Variants in ATP6V1C2 observed in about 807,000 individuals in gnomAD.
ATP6V1C2 encodes V-type proton ATPase subunit C 2.
Under a neutral mutation model 56.8 loss-of-function variants are expected in ATP6V1C2, and 45 were observed. That is an observed-to-expected ratio of 0.79 (90% CI 0.62 to 1.02). ATP6V1C2 has a LOEUF of 1.02. Among genes scored for constraint, ATP6V1C2 ranks in the 50% least tolerant of loss-of-function variants. The pLI is 0.00. For synonymous variants in ATP6V1C2, 220 were observed against 201.3 expected, an observed-to-expected ratio of 1.09 and a Z score of -0.79; for missense variants, 463 against 519.7, an observed-to-expected ratio of 0.89 and a Z score of 1.06.
Position 10,754,319 on chromosome 2 carries a change from G to A in ATP6V1C2, c.283+253G>A, listed in dbSNP as rs532348392. ...TGGCTCACTGCAACCTCCGCCGCCCGGGTTCAAGCGATTCTCCTGTCTCAG... is the reference window on the plus strand; with the variant it reads ...TGGCTCACTGCAACCTCCGCCGCCCAGGTTCAAGCGATTCTCCTGTCTCAG... On this transcript the variant is annotated intron_variant, in intron 4 of 13. Transcript: ENST00000272238. 3.4e-4 allele frequency among the ~76,000 whole-genome samples: 52 copies of A among 152,190 alleles called. No individual in the cohort carries two copies. In the East Asian group the frequency reaches 8.7e-3, roughly 25 times the overall value.
chr2:10,737,802 T>C (rs954133039), intron 3 of ATP6V1C2, among the ~76,000 whole-genome samples: 1 of 152,146 alleles, frequency 6.6e-6, no homozygotes, highest in Non-Finnish European at 1.5e-5. Flanking sequence ...CAAGCGATTC[T>C]CCTGCCTCAG....
Position 10,764,243 on chromosome 2 carries a change from A to C in ATP6V1C2, c.284-88A>C. 3 of 1,208,764 alleles carry C rather than the reference A, an allele frequency of 2.5e-6. No homozygotes were observed. In the South Asian group the frequency reaches 3.8e-5, roughly 15 times the overall value. 74.9% of individuals were successfully genotyped at this position (1,208,764 alleles called of 1,614,324 possible). A position where few individuals can be genotyped will look rare whatever the true frequency, so the allele number is the denominator to read the frequency against. ...GCCCATGATGGCTGCCTTCGTGTCC[A>C]CGCTGATGCTTGGCTTGGGATTCCG... is the stretch of plus-strand genomic sequence containing the variant. On this transcript the variant is annotated intron_variant, in intron 4 of 13. Coordinates refer to ENST00000272238, the MANE Select transcript of ATP6V1C2 (RefSeq NM_001039362.2).
rs747960106 is a variant in ATP6V1C2 at position 10,784,690 on chromosome 2, T to C, written c.*1427T>C. ...AGGTTAAATGTTCACTTTAAGGTAA[T>C]AATCAGGAAAGCAACCTTACTACTG... is the stretch of plus-strand genomic sequence containing the variant. On this transcript the variant is annotated 3_prime_UTR_variant, in exon 14 of 14. Transcript: ENST00000272238. 6 of 535,132 alleles carry C rather than the reference T, an allele frequency of 1.1e-5. No individual in the cohort carries two copies. The highest frequency in any genetic ancestry group is 2.0e-5 in the Non-Finnish European group (6 of 304,420). The allele number at this position is 535,132 out of a possible 1,614,324, so 33.1% of individuals were successfully genotyped here.
At chr2:10,746,741 A>G (rs1294423412) in intron 3 of ATP6V1C2, among the ~76,000 whole-genome samples, 1 of 152,228 alleles carries the variant, frequency 6.6e-6, no homozygotes, top group African/African-American at 2.4e-5. Context: ...TTGCAAAAGT[A>G]ATATGTTTTT....
intron 2 of ATP6V1C2, 29 bp downstream of exon 2, chr2:10,723,007 G>A: frequency 6.2e-7 from 1 of 1,612,980 alleles, no homozygotes; most frequent in Non-Finnish European, 8.5e-7. Flanking sequence ...AGTGAAAAAG[G>A]GATGGATTGG....
chr2:10,758,664 T>TTTTTTC (rs1213045847), intron 4 of ATP6V1C2, among the ~76,000 whole-genome samples: 2 of 152,216 alleles, frequency 1.3e-5, no homozygotes, highest in East Asian at 1.9e-4. Context: ...ACCTTTTTTT[T>TTTTTTC]TTTTTCTTTT....
intron 3 of ATP6V1C2, among the ~76,000 whole-genome samples, chr2:10,728,565 A>C (rs1661774480): frequency 6.6e-6 from 1 of 152,122 alleles, no homozygotes; most frequent in Non-Finnish European, 1.5e-5. Context: ...GCTTGACTCC[A>C]GGAGTTCGAG....
chr2:10,748,957 TG>T (rs1210293751), intron 3 of ATP6V1C2, among the ~76,000 whole-genome samples: 2 of 151,766 alleles, frequency 1.3e-5, no homozygotes, highest in Non-Finnish European at 2.9e-5. Context: ...GGTGACACCC[TG>T]TCTCTACTAA....
chr2:10,775,921 T>TG (rs556643100), intron 10 of ATP6V1C2, among the ~76,000 whole-genome samples: 1,877 of 152,194 alleles, frequency 0.012, 15 homozygotes, highest in Non-Finnish European at 0.016. Context: ...TTGAGGCCTT[T>TG]GGGGGAAAGT....
In ATP6V1C2 at chr2:10,763,021, G is replaced by A. The variant is rs575878495; in HGVS notation, c.284-1310G>A. On this transcript the variant is annotated intron_variant, in intron 4 of 13. Coordinates refer to ENST00000272238, the MANE Select transcript of ATP6V1C2 (RefSeq NM_001039362.2). The surrounding 1 kb of genome is among the most constrained non-coding windows in gnomAD (Gnocchi z 4.2). Reference sequence around the variant, plus strand: ...GTCTTGTTTGGTGACCCCACTGGGCGCTGCTGTTGGGGTTGGAGGAATCTC... The same window carrying A: ...GTCTTGTTTGGTGACCCCACTGGGCACTGCTGTTGGGGTTGGAGGAATCTC... 6.6e-6 allele frequency among the ~76,000 whole-genome samples: 1 copy of A among 152,290 alleles called. No homozygotes were observed. Among genetic ancestry groups the A allele is most frequent in the Non-Finnish European group, 1.5e-5 (1 of 68,016 alleles).
At chr2:10,729,054 T>C (rs1018782423) in intron 3 of ATP6V1C2, among the ~76,000 whole-genome samples, 2 of 149,784 alleles carry the variant, frequency 1.3e-5, no homozygotes, top group African/African-American at 2.5e-5. Flanking sequence ...TGCTTGAACC[T>C]GGCAGGCGGA....
At position 10,765,882 on chromosome 2, in the gene ATP6V1C2, C is replaced by A. The variant is rs1686448; in HGVS notation, c.378+1457C>A. ...AGGGAGCAGAGGGGCTGTCGGGAGA[C>A]CTGGCTTCTCCAGTCCAGAGCACCC... On this transcript the variant is annotated intron_variant, in intron 5 of 13. Transcript: ENST00000272238. Among the ~76,000 whole-genome samples, 6 of 152,284 alleles carry A rather than the reference C, an allele frequency of 3.9e-5. No homozygotes were observed. The East Asian group carries it at 1.2e-3, about 29-fold the overall frequency.
At chr2:10,748,805 A>G (rs2148449599) in intron 3 of ATP6V1C2, among the ~76,000 whole-genome samples, 1 of 152,172 alleles carries the variant, frequency 6.6e-6, no homozygotes, top group East Asian at 1.9e-4. Context: ...TAAAATGGGA[A>G]TGTCACTTAG....
chr2:10,723,477 G>A (rs1320870689), intron 2 of ATP6V1C2, among the ~76,000 whole-genome samples: 1 of 152,114 alleles, frequency 6.6e-6, no homozygotes, highest in Non-Finnish European at 1.5e-5. Context: ...ACAGAAGAGA[G>A]TTTGGGTCAT....
rs969738544 is a variant in ATP6V1C2, at chr2:10,753,600, C to T, written c.198-381C>T. Among the ~76,000 whole-genome samples, 203 of 150,570 alleles carry T rather than the reference C, an allele frequency of 1.3e-3. 1 individual carries two copies. Among genetic ancestry groups the T allele is most frequent in the East Asian group, 2.0e-4 (1 of 5,122 alleles). On this transcript the variant is annotated intron_variant, in intron 3 of 13. Coordinates refer to ENST00000272238, the MANE Select transcript of ATP6V1C2 (RefSeq NM_001039362.2). The stretch of plus-strand genomic sequence containing the variant: ...ACGCTGGAGTGCAGTGGTGCAATCT[C>T]GGCTCACTGCAACCTCCACCTCCCG...
chr2:10,773,261 G>A (rs905137445), intron 8 of ATP6V1C2, among the ~76,000 whole-genome samples: 27 of 151,928 alleles, frequency 1.8e-4, no homozygotes, highest in East Asian at 7.7e-4. Flanking sequence ...GATGGGTCAC[G>A]GGCAGGAAGG....
intron 6 of ATP6V1C2, among the ~76,000 whole-genome samples, chr2:10,769,727 CA>C (rs1177478727): frequency 6.6e-6 from 1 of 151,516 alleles, no homozygotes; most frequent in Non-Finnish European, 1.5e-5. Context: ...ACAAAAAAAA[CA>C]GGGAGAGAGA....
chr2:10,783,326 A>G lies in ATP6V1C2; in HGVS notation c.*63A>G. 1 of 1,148,572 alleles carries G rather than the reference A, an allele frequency of 8.7e-7. No individual in the cohort carries two copies. Among genetic ancestry groups the G allele is most frequent in the Non-Finnish European group, 1.3e-6 (1 of 767,102 alleles). The allele number at this position is 1,148,572 out of a possible 1,614,324, so 71.1% of individuals were successfully genotyped here. ...ATTATTACAGACACCTCTTTCCTTT[A>G]GCCAGAGAATGGTTCAAATGTCTTA... On this transcript the variant is annotated 3_prime_UTR_variant, in exon 14 of 14. Transcript: ENST00000272238.
intron 3 of ATP6V1C2, among the ~76,000 whole-genome samples, chr2:10,746,321 G>A (rs575157721): frequency 3.0e-4 from 45 of 151,900 alleles, no homozygotes; most frequent in Non-Finnish European, 4.6e-4. Context: ...TAATAATGCC[G>A]CTATGTTTAT....
Sources: gnomAD v4.1 joint callset for allele counts (sites outside exome capture counted in the v4.1 genomes callset) on GRCh38, gnomAD v4.1.1 for gene constraint, Gnocchi (gnomAD v3.1) non-coding constraint, MANE v1.5 for transcripts, NCBI Gene and HGNC (gene_info 2026-07-23, HGNC 2026-07-21) for gene names.